Variants in CSPG4 observed in about 807,000 individuals in gnomAD.
CSPG4 encodes chondroitin sulfate proteoglycan 4 (melanoma-associated).
CSPG4 carries 74 observed loss-of-function variants against 139.3 expected under a neutral mutation model. The ratio of observed to expected loss-of-function variants is 0.53; its 90% CI spans 0.44 to 0.64. The LOEUF is 0.64. Among genes scored for constraint, CSPG4 ranks in the 30% least tolerant of loss-of-function variants. CSPG4 has a pLI of 0.00. For synonymous variants in CSPG4, 1,234 were observed against 1,394.2 expected, an observed-to-expected ratio of 0.89 and a Z score of 2.56; for missense variants, 2,565 against 3,148.3, an observed-to-expected ratio of 0.81 and a Z score of 4.43.
intron 8 of CSPG4, 71 bp from the exon 9 acceptor site, chr15:75,677,957 C>A: frequency 7.0e-7 from 1 of 1,426,718 alleles, no homozygotes; most frequent in Non-Finnish European, 9.4e-7. Flanking sequence ...GCACTTTTGT[C>A]TCCTCAGGCC....
chr15:75,675,384 C>T lies in CSPG4; in HGVS notation c.*166G>A. On this transcript the variant is annotated 3_prime_UTR_variant, in exon 10 of 10. Transcript: ENST00000308508. ...GGAGGTTCCAGCTCTTGACTCCACT[C>T]TGTCCCGGACCCCTGGGACTATCTC... The T allele has an allele frequency of 1.5e-6, 1 of 683,102 alleles. No individual in the cohort carries two copies. The highest frequency in any genetic ancestry group is 2.1e-6 in the Non-Finnish European group (1 of 482,226). The allele number at this position is 683,102 out of a possible 1,614,324, so 42.3% of individuals were successfully genotyped here. A position where few individuals can be genotyped will look rare whatever the true frequency, so the allele number is the denominator to read the frequency against.
intron 1 of CSPG4, among the ~76,000 whole-genome samples, chr15:75,699,068 C>T (rs117704426): frequency 1.3e-5 from 2 of 152,192 alleles, no homozygotes; most frequent in East Asian, 1.9e-4. Flanking sequence ...GCCATCCCCG[C>T]GGCCCAAGGA....
chr15:75,698,845 G>A lies in CSPG4; in HGVS notation c.89-5612C>T, dbSNP rs1281778983. Among the ~76,000 whole-genome samples, 1 of 152,182 alleles carries A rather than the reference G, an allele frequency of 6.6e-6. No individual in the cohort carries two copies. The highest frequency in any genetic ancestry group is 2.4e-5 in the African/African-American group (1 of 41,460). On this transcript the variant is annotated intron_variant, in intron 1 of 9. Coordinates refer to ENST00000308508, the MANE Select transcript of CSPG4 (RefSeq NM_001897.5). This position sits in a 1 kb window ranked among gnomAD's most constrained non-coding sequence, Gnocchi z 4.3. ...AACCCTGTTACTCTGAGGGTAACAAGGGGGTAGGTTACAGGGGAGACTTAA... is the reference window on the plus strand; with the variant it reads ...AACCCTGTTACTCTGAGGGTAACAAAGGGGTAGGTTACAGGGGAGACTTAA...
intron 8 of CSPG4, chr15:75,679,873 A>G (rs1251176435): frequency 6.6e-6 from 1 of 152,148 alleles, no homozygotes; most frequent in Admixed American, 6.5e-5. Flanking sequence ...TTTAGTAGAG[A>G]TGGGGTTTCA....
intron 3 of CSPG4, among the ~76,000 whole-genome samples, chr15:75,686,060 A>T (rs1311519504): frequency 6.6e-6 from 1 of 152,084 alleles, no homozygotes; most frequent in Non-Finnish European, 1.5e-5. Context: ...GCTAATTTTT[A>T]AATTTTTTGT....
At position 75,693,085 on chromosome 15, in the gene CSPG4, G is replaced by A. The variant is rs867311652; in HGVS notation, c.237C>T (p.Tyr79=). 6.6e-7 allele frequency: 1 copy of A among 1,515,454 alleles called. No homozygotes were observed. Among genetic ancestry groups the A allele is most frequent in the Admixed American group, 1.9e-5 (1 of 52,350 alleles). 93.9% of individuals were successfully genotyped at this position (1,515,454 alleles called of 1,614,324 possible). Residue 79 remains tyrosine (Y), a synonymous_variant, in exon 2 of 10, where the codon TAC becomes TAT. Coordinates refer to ENST00000308508, the MANE Select transcript of CSPG4 (RefSeq NM_001897.5). ...GPADHLLLQL[Y]SGRLQVRLVL... is the part of the protein sequence containing the mutation. ...CGTCACTCACCTGCAGGCGTCCAGA[G>A]TAGAGCTGCAGCAGGAGGTGGTCAG... is the stretch of plus-strand genomic sequence containing the variant.
chr15:75,682,130 G>A (rs752990082), intron 8 of CSPG4, among the ~76,000 whole-genome samples, 163 bp downstream of exon 8: 21 of 152,236 alleles, frequency 1.4e-4, no homozygotes, highest in Non-Finnish European at 2.5e-4. Context: ...CCAGCCTGGC[G>A]GCTCCTGGAG....
At position 75,688,007 on chromosome 15, in the gene CSPG4, C is replaced by T. The variant is rs771161140; in HGVS notation, c.3058G>A (p.Val1020Met). The T allele has an allele frequency of 3.7e-5, 60 of 1,611,996 alleles. No homozygotes were observed. Among genetic ancestry groups the T allele is most frequent in the Non-Finnish European group, 5.1e-5 (60 of 1,179,486 alleles). The change falls in exon 3 of 10, where the codon GTG becomes ATG. Residue 1020 changes from valine (V) to methionine (M), a missense_variant. Transcript: ENST00000308508. Reference protein sequence around the residue: ...AIQPVNDHAPVQTISRIFHVA... With the variant: ...AIQPVNDHAPMQTISRIFHVA... ...TGGAAGATCCGGCTGATGGTCTGCACAGGGGCGTGGTCATTCACGGGCTGG... is the reference window on the plus strand; with the variant it reads ...TGGAAGATCCGGCTGATGGTCTGCATAGGGGCGTGGTCATTCACGGGCTGG...
At position 75,688,343 on chromosome 15, in the gene CSPG4, CGAG is replaced by C. The variant is rs1566974194; in HGVS notation, c.2719_2721del (p.Leu907del). 1 of 1,613,270 alleles carries C rather than the reference CGAG, an allele frequency of 6.2e-7. No homozygotes were observed. The highest frequency in any genetic ancestry group is 8.5e-7 in the Non-Finnish European group (1 of 1,180,036). On this transcript the variant is annotated inframe_deletion, in exon 3 of 10. Transcript: ENST00000308508. ...ACACCCTCACCACCCTCAGGCACCA[CGAG>C]GAGGACATTGGTGAGGACAGGCGCA...
chr15:75,691,560 T>C (rs1232883193), intron 2 of CSPG4, among the ~76,000 whole-genome samples: 2 of 152,216 alleles, frequency 1.3e-5, no homozygotes, highest in Non-Finnish European at 2.9e-5. Context: ...GCAAAGTTTC[T>C]TGGGGTCATT....
Position 75,685,629 on chromosome 15 carries a change from C to A in CSPG4, c.3862G>T (p.Val1288Leu). 8 of 1,609,984 alleles carry A rather than the reference C, an allele frequency of 5.0e-6. No individual in the cohort carries two copies. The highest frequency in any genetic ancestry group is 5.9e-6 in the Non-Finnish European group (7 of 1,179,666). The change falls in exon 4 of 10, where the codon GTG becomes TTG. Residue 1288 changes from valine to leucine, a missense_variant. Transcript: ENST00000308508. The part of the protein sequence containing the change: ...VKSPPSAGYL[V>L]MVSRGALADE... ...GCCAAGGCGCCACGCGACACCATCA[C>A]CAGGTAGCCGGCACTCGGTGGGCTC...
At chr15:75,706,409 G>A (rs879348088) in intron 1 of CSPG4, among the ~76,000 whole-genome samples, 1 of 151,960 alleles carries the variant, frequency 6.6e-6, no homozygotes, top group Non-Finnish European at 1.5e-5. Context: ...GTGAGTGTAT[G>A]TATGTGTGTG....
intron 3 of CSPG4, 119 bp from the exon 4 acceptor site, chr15:75,685,820 C>T (rs754811399): frequency 2.3e-4 from 254 of 1,096,648 alleles, no homozygotes; most frequent in African/African-American, 5.5e-4. Context: ...CCTCTAGATA[C>T]CACTGCTCAT....
intron 1 of CSPG4, among the ~76,000 whole-genome samples, chr15:75,699,363 C>A (rs1196365281): frequency 6.6e-6 from 1 of 152,232 alleles, no homozygotes; most frequent in African/African-American, 2.4e-5. Context: ...CTTGCAAGGC[C>A]AAGGGGGCCA....
Position 75,688,539 on chromosome 15 carries a change from T to C in CSPG4, c.2526A>G (p.Ser842=), listed in dbSNP as rs1281306865. Residue 842 remains serine, a synonymous_variant, in exon 3 of 10, where the codon TCA becomes TCG. Coordinates refer to ENST00000308508, the MANE Select transcript of CSPG4 (RefSeq NM_001897.5). ...CATCCTGGGTGAAGCCCTGGCCATC[T>C]GACAGCCTTGTGCCCTGTAGTTGAA... ...GNLQLQGTRL[S]DGQGFTQDDI... The C allele has an allele frequency of 6.2e-7, 1 of 1,613,210 alleles. No homozygotes were observed.
rs763724095 is a variant in CSPG4 at position 75,688,958 on chromosome 15, C to T, written c.2107G>A (p.Val703Ile). Residue 703 changes from valine to isoleucine, a missense_variant, in exon 3 of 10, where the codon GTC becomes ATC. By Grantham distance (29) the Val-to-Ile change is conservative. Around this residue, in one of 5 missense-constraint regions of CSPG4, gnomAD observed 2,316 missense variants for 2,818.2 expected, o/e 0.82. Transcript: ENST00000308508. ...TCCCCAAACTGCAGGGCCCCAGTGACGCGGAACAGCACGCTCACATCCTGC... is the reference window on the plus strand; with the variant it reads ...TCCCCAAACTGCAGGGCCCCAGTGATGCGGAACAGCACGCTCACATCCTGC... ...VGQDVSVLFR[V>I]TGALQFGELQ... The T allele has an allele frequency of 1.9e-5, 31 of 1,612,560 alleles. No individual in the cohort carries two copies. Among genetic ancestry groups the T allele is most frequent in the South Asian group, 4.4e-5 (4 of 91,066 alleles).
At chr15:75,713,330 G>T (rs1222917330), upstream of CSPG4, among the ~76,000 whole-genome samples, 1 of 152,196 alleles carries the variant, frequency 6.6e-6, no homozygotes, top group Non-Finnish European at 1.5e-5. Flanking sequence ...GGTCCTGTGG[G>T]GCACTGCCCA....
chr15:75,713,430 CAGA>C (rs568828262), upstream of CSPG4, among the ~76,000 whole-genome samples: 267 of 152,306 alleles, frequency 1.8e-3, 1 homozygote, highest in African/African-American at 6.2e-3. Context: ...CCTCGCAGGG[CAGA>C]AGAATTCTCA....
At chr15:75,712,866 C>T (rs889347309), upstream of CSPG4, 5 of 897,042 alleles carry the variant, frequency 5.6e-6, no homozygotes, top group African/African-American at 9.0e-5. Context: ...CTCCGGGTGT[C>T]CGCGCACTTA....
Sources: allele counts gnomAD v4.1 joint callset (sites outside exome capture counted in the v4.1 genomes callset), GRCh38; gene constraint gnomAD v4.1.1; regional missense constraint gnomAD v4.1.1; non-coding constraint Gnocchi (gnomAD v3.1); transcripts MANE v1.5; gene names NCBI Gene and HGNC (gene_info 2026-07-23, HGNC 2026-07-21).